CHST6: variants seen among roughly 807,000 people sequenced by gnomAD.
CHST6 encodes the protein carbohydrate sulfotransferase 6.
For missense variants in CHST6, 698 were observed against 586.2 expected, an observed-to-expected ratio of 1.19 and a Z score of -1.97; for synonymous variants, 309 against 276.4, an observed-to-expected ratio of 1.12 and a Z score of -1.17.
At chr16:75,487,274 C>A (rs1018548882) in intron 1 of CHST6, among the ~76,000 whole-genome samples, 7 of 152,286 alleles carry the variant, frequency 4.6e-5, no homozygotes, top group Middle Eastern at 3.4e-3. Context: ...AAGACATTGA[C>A]CAAGGATGGT....
At position 75,479,573 on chromosome 16, in the gene CHST6, C is replaced by T. The variant is rs756056122; in HGVS notation, c.256G>A (p.Ala86Thr). The T allele has an allele frequency of 1.1e-5, 17 of 1,612,908 alleles. No individual in the cohort carries two copies. The highest frequency in any genetic ancestry group is 1.3e-5 in the African/African-American group (1 of 74,946). ...TCGCGCACAGCCATGTGCAGCGTTG[C>T]GGCGCTGCCCTGCGACAGGGTGGTC... is the stretch of plus-strand genomic sequence containing the variant. ...VWTTLSQGSA[A>T]TLHMAVRDLV... Residue 86 changes from alanine (A) to threonine (T), a missense_variant, in exon 3 of 3, where the codon GCA becomes ACA. By Grantham distance (58) the Ala-to-Thr change is moderately conservative. Transcript: ENST00000332272.
intron 1 of CHST6, among the ~76,000 whole-genome samples, chr16:75,484,304 TC>T (rs1426697321): frequency 6.6e-6 from 1 of 152,076 alleles, no homozygotes; most frequent in Non-Finnish European, 1.5e-5. Flanking sequence ...ACCACTGCAC[TC>T]CAGCCTGGGT....
intron 1 of CHST6, among the ~76,000 whole-genome samples, chr16:75,485,337 G>A (rs941164117): frequency 1.4e-4 from 21 of 152,084 alleles, no homozygotes; most frequent in African/African-American, 4.6e-4. Flanking sequence ...ACGGTGGCTC[G>A]TGCCTGTAAT....
chr16:75,483,918 G>T (rs2080168110), intron 1 of CHST6, among the ~76,000 whole-genome samples: 1 of 152,168 alleles, frequency 6.6e-6, no homozygotes, highest in Non-Finnish European at 1.5e-5. Flanking sequence ...CAACTACTCA[G>T]GAGGCTGAGG....
intron 1 of CHST6, among the ~76,000 whole-genome samples, chr16:75,488,956 G>A (rs987138387): frequency 1.3e-5 from 2 of 151,970 alleles, no homozygotes; most frequent in Non-Finnish European, 2.9e-5. Flanking sequence ...TGGGGGGCAG[G>A]AACAAGGAAC....
At chr16:75,487,814 A>AG (rs2080216792) in intron 1 of CHST6, among the ~76,000 whole-genome samples, 1 of 150,254 alleles carries the variant, frequency 6.7e-6, no homozygotes, top group Admixed American at 6.7e-5. Flanking sequence ...CCTAAAAAAA[A>AG]AAAAAAAAAA....
chr16:75,490,595 A>C (rs1306514977), intron 1 of CHST6: 2 of 152,218 alleles, frequency 1.3e-5, no homozygotes, highest in Admixed American at 6.5e-5. Flanking sequence ...GGTAATTATA[A>C]TAAATAATAT....
Position 75,491,571 on chromosome 16 carries a change from C to T in CHST6, c.-92+3369G>A, listed in dbSNP as rs534755352. Reference sequence around the variant, plus strand: ...TTTTTTAGTAGAGACCGGGTTTCACCGTGTTAGCCAGGATGGTCTCGATCT... The same window carrying T: ...TTTTTTAGTAGAGACCGGGTTTCACTGTGTTAGCCAGGATGGTCTCGATCT... On this transcript the variant is annotated intron_variant, in intron 1 of 2. Transcript: ENST00000332272. Among the ~76,000 whole-genome samples the T allele has an allele frequency of 9.2e-5, 14 of 152,094 alleles. No individual in the cohort carries two copies. In the South Asian group the frequency reaches 1.9e-3, roughly 20 times the overall value.
At chr16:75,492,940 C>T (rs2080271503) in intron 1 of CHST6, among the ~76,000 whole-genome samples, 1 of 152,146 alleles carries the variant, frequency 6.6e-6, no homozygotes, top group African/African-American at 2.4e-5. Flanking sequence ...AAAAAAACAT[C>T]TGCCAGGAGA....
At chr16:75,491,900 A>C (rs1022577109) in intron 1 of CHST6, among the ~76,000 whole-genome samples, 4 of 152,222 alleles carry the variant, frequency 2.6e-5, no homozygotes, top group African/African-American at 7.2e-5. Flanking sequence ...CCCGCTCTGC[A>C]CTAAAAGGTG....
At chr16:75,487,357 T>C (rs991790628) in intron 1 of CHST6, among the ~76,000 whole-genome samples, 4 of 152,174 alleles carry the variant, frequency 2.6e-5, no homozygotes, top group Admixed American at 2.6e-4. Context: ...AGCCAAGCTC[T>C]GCCTACCCTC....
chr16:75,483,836 C>T lies in CHST6; in HGVS notation c.-91-1945G>A, dbSNP rs562704836. ...CCCAGAAGCTCAAGACCAGCCTGGG[C>T]AACATGGCCAAACCCCATCTCTACT... On this transcript the variant is annotated intron_variant, in intron 1 of 2. Coordinates refer to ENST00000332272, the MANE Select transcript of CHST6 (RefSeq NM_021615.5). Among the ~76,000 whole-genome samples, 4 of 151,890 alleles carry T rather than the reference C, an allele frequency of 2.6e-5. No homozygotes were observed. In the South Asian group the frequency reaches 8.3e-4, roughly 32 times the overall value.
chr16:75,487,570 A>G (rs765613224), intron 1 of CHST6, among the ~76,000 whole-genome samples: 3 of 152,048 alleles, frequency 2.0e-5, no homozygotes, highest in African/African-American at 7.2e-5. Flanking sequence ...GAGGCTGAGT[A>G]GGGTGGATCA....
At chr16:75,492,870 C>A (rs1416098847) in intron 1 of CHST6, among the ~76,000 whole-genome samples, 1 of 151,920 alleles carries the variant, frequency 6.6e-6, no homozygotes, top group Non-Finnish European at 1.5e-5. Context: ...AAAACAAAAA[C>A]CAAAACCAAA....
At chr16:75,482,939 C>G (rs540290118) in intron 1 of CHST6, among the ~76,000 whole-genome samples, 1 of 152,342 alleles carries the variant, frequency 6.6e-6, no homozygotes, top group East Asian at 1.9e-4. Context: ...CTCATCTGCT[C>G]TGCACATGAT....
intron 1 of CHST6, among the ~76,000 whole-genome samples, chr16:75,485,109 A>C (rs1321029486): frequency 6.6e-6 from 1 of 152,164 alleles, no homozygotes; most frequent in Non-Finnish European, 1.5e-5. Context: ...GAAAATGATC[A>C]TATTTTTTCA....
At chr16:75,482,833 C>T (rs2080156981) in intron 1 of CHST6, among the ~76,000 whole-genome samples, 1 of 152,072 alleles carries the variant, frequency 6.6e-6, no homozygotes, top group African/African-American at 2.4e-5. Flanking sequence ...CAGGAGGCAA[C>T]AGGGGTGGGT....
chr16:75,481,277 A>G (rs937997907), intron 2 of CHST6, among the ~76,000 whole-genome samples: 4 of 151,752 alleles, frequency 2.6e-5, no homozygotes, highest in Non-Finnish European at 1.5e-5. Flanking sequence ...CTCTGACTCA[A>G]AACATACAGT....
At chr16:75,488,585 C>T (rs1208053199) in intron 1 of CHST6, among the ~76,000 whole-genome samples, 2 of 151,868 alleles carry the variant, frequency 1.3e-5, no homozygotes, top group African/African-American at 2.4e-5. Flanking sequence ...TCTAGTGGAG[C>T]CCTGGGCATT....
Sources: gnomAD v4.1 joint callset for allele counts (sites outside exome capture counted in the v4.1 genomes callset) on GRCh38, gnomAD v4.1.1 for gene constraint, MANE v1.5 for transcripts, NCBI Gene and HGNC (gene_info 2026-07-23, HGNC 2026-07-21) for gene names.